Variants in IQGAP2 observed in about 807,000 individuals in gnomAD.
IQGAP2 encodes IQ motif containing GTPase activating protein 2.
A neutral mutation model predicts 201.3 loss-of-function variants in IQGAP2; 173 were observed. That is an observed-to-expected ratio of 0.86 (90% CI 0.76 to 0.98). The LOEUF is 0.98. IQGAP2 is among the 50% of genes least tolerant of loss of function. IQGAP2 has a pLI of 0.00. For synonymous variants in IQGAP2, 675 were observed against 673.9 expected (o/e 1.00, Z -0.03); for missense variants, 1,687 against 1,864.8 (o/e 0.90, Z 1.76).
chr5:76,625,675 C>T (rs1204405479), intron 13 of IQGAP2, among the ~76,000 whole-genome samples: 1 of 152,188 alleles, frequency 6.6e-6, no homozygotes, highest in African/African-American at 2.4e-5. Flanking sequence ...GAGCCCTTTC[C>T]ACATGCATTA....
intron 2 of IQGAP2, among the ~76,000 whole-genome samples, chr5:76,550,345 A>AT (rs1743366573): frequency 7.7e-6 from 1 of 130,350 alleles, no homozygotes; most frequent in African/African-American, 2.8e-5. Context: ...GGGCTGGCAG[A>AT]ATTTTTTTTT....
intron 5 of IQGAP2, among the ~76,000 whole-genome samples, chr5:76,582,825 ACAC>A (rs1745968992): frequency 6.6e-6 from 1 of 152,190 alleles, no homozygotes; most frequent in Non-Finnish European, 1.5e-5. Flanking sequence ...TTCATGATAT[ACAC>A]TAAATGGTAT....
chr5:76,560,310 GC>G (rs1204169558), intron 2 of IQGAP2, among the ~76,000 whole-genome samples: 1 of 144,930 alleles, frequency 6.9e-6, no homozygotes, highest in Non-Finnish European at 1.5e-5. Context: ...AAACCACCAT[GC>G]CTGGCTCTTT....
intron 10 of IQGAP2, 100 bp downstream of exon 10, chr5:76,597,702 C>G (rs935905547): frequency 8.0e-7 from 1 of 1,250,690 alleles, no homozygotes; most frequent in Non-Finnish European, 1.1e-6. Flanking sequence ...TCGGGGATCT[C>G]TAATTTGTAC....
At chr5:76,489,192 C>T (rs1445624121) in intron 2 of IQGAP2, among the ~76,000 whole-genome samples, 1 of 152,174 alleles carries the variant, frequency 6.6e-6, no homozygotes, top group Non-Finnish European at 1.5e-5. Context: ...ATGAGCCGAT[C>T]TGGAGAGCCT....
intron 5 of IQGAP2, among the ~76,000 whole-genome samples, chr5:76,582,921 A>C (rs1005684830): frequency 2.0e-5 from 3 of 152,202 alleles, no homozygotes; most frequent in African/African-American, 7.2e-5. Flanking sequence ...ATGAGTCGGT[A>C]GCTACCTCTG....
chr5:76,591,834 G>A (rs1380653358), intron 8 of IQGAP2, among the ~76,000 whole-genome samples: 6 of 152,108 alleles, frequency 3.9e-5, no homozygotes, highest in South Asian at 4.1e-4. Flanking sequence ...AGATAACTTT[G>A]TCTGTGTCCC....
At chr5:76,690,789 T>C (rs1746196123) in intron 30 of IQGAP2, among the ~76,000 whole-genome samples, 1 of 152,220 alleles carries the variant, frequency 6.6e-6, no homozygotes, top group African/African-American at 2.4e-5. Flanking sequence ...ATCTTCAAAA[T>C]CCAGTGTGTG....
At chr5:76,604,539 GTTT>G (rs1398793601) in intron 11 of IQGAP2, among the ~76,000 whole-genome samples, 3 of 151,734 alleles carry the variant, frequency 2.0e-5, no homozygotes, top group Non-Finnish European at 4.4e-5. Flanking sequence ...TTTATAGCTT[GTTT>G]TTGTTCATTT....
chr5:76,467,331 G>T (rs1754835469), intron 2 of IQGAP2, among the ~76,000 whole-genome samples: 1 of 152,138 alleles, frequency 6.6e-6, no homozygotes, highest in African/African-American at 2.4e-5. Flanking sequence ...ATGGGCAAAA[G>T]TTCTGAATAG....
At chr5:76,581,376 A>T (rs1053329525) in intron 5 of IQGAP2, among the ~76,000 whole-genome samples, 4 of 152,216 alleles carry the variant, frequency 2.6e-5, no homozygotes, top group African/African-American at 7.2e-5. Context: ...TTCTTAGCTC[A>T]AAGGACAGGC....
At chr5:76,481,165 A>C (rs1203990264) in intron 2 of IQGAP2, among the ~76,000 whole-genome samples, 1 of 152,190 alleles carries the variant, frequency 6.6e-6, no homozygotes, top group Non-Finnish European at 1.5e-5. Context: ...TTGGGGGCAC[A>C]CATTCAGGCC....
chr5:76,407,586 T>C (rs1750867085), intron 1 of IQGAP2, among the ~76,000 whole-genome samples: 1 of 152,224 alleles, frequency 6.6e-6, no homozygotes, highest in Admixed American at 6.5e-5. Flanking sequence ...CTCCCTCATA[T>C]GCTGGTGTTT....
At chr5:76,562,122 AAG>A (rs1395263007) in intron 2 of IQGAP2, among the ~76,000 whole-genome samples, 2 of 152,218 alleles carry the variant, frequency 1.3e-5, no homozygotes, top group Non-Finnish European at 2.9e-5. Context: ...TTTGGCACAA[AAG>A]AGACTTGGCA....
Position 76,652,792 on chromosome 5 carries a change from A to G in IQGAP2, c.2137A>G (p.Arg713Gly), listed in dbSNP as rs1752620353. The change falls in exon 18 of 36, where the codon AGG becomes GGG. Residue 713 changes from arginine to glycine, a missense_variant. Coordinates refer to ENST00000274364, the MANE Select transcript of IQGAP2 (RefSeq NM_006633.5). ...TAAACAACGGAAGGAGTATATGCACAGGCGGCAAACGTTCATTGATAATAC... is the reference window on the plus strand; with the variant it reads ...TAAACAACGGAAGGAGTATATGCACGGGCGGCAAACGTTCATTGATAATAC... ...GYKQRKEYMH[R>G]RQTFIDNTDS... 3 of 1,611,466 alleles carry G rather than the reference A, an allele frequency of 1.9e-6. No individual in the cohort carries two copies. The highest frequency in any genetic ancestry group is 2.5e-6 in the Non-Finnish European group (3 of 1,177,614).
In IQGAP2 at chr5:76,562,374, A is replaced by T. The variant is rs200606128; in HGVS notation, c.147-22A>T. On this transcript the variant is annotated intron_variant, in intron 2 of 35. Coordinates refer to ENST00000274364, the MANE Select transcript of IQGAP2 (RefSeq NM_006633.5). ...GTTACCCAACTGGAATCACTTTAAT[A>T]TTTTTTTTTTAATCTCTTTAGGTGG... is the stretch of plus-strand genomic sequence containing the variant. 433 of 1,404,690 alleles carry T rather than the reference A, an allele frequency of 3.1e-4. 1 individual carries two copies. In the African/African-American group the frequency reaches 5.6e-3, roughly 18 times the overall value. The allele number at this position is 1,404,690 out of a possible 1,614,324, so 87.0% of individuals were successfully genotyped here. A position where few individuals can be genotyped will look rare whatever the true frequency, so the allele number is the denominator to read the frequency against.
At chr5:76,504,686 A>C (rs1221608499) in intron 2 of IQGAP2, among the ~76,000 whole-genome samples, 1 of 152,066 alleles carries the variant, frequency 6.6e-6, no homozygotes, top group African/African-American at 2.4e-5. Flanking sequence ...CCTACCTATA[A>C]GCCTTCCCCC....
At chr5:76,638,380 G>T (rs2431355) in intron 16 of IQGAP2, among the ~76,000 whole-genome samples, 86,944 of 151,758 alleles carry the variant, frequency 0.57, 24,997 homozygotes, top group South Asian at 0.62. Flanking sequence ...ACTCTGTCCC[G>T]GGGAGGGAAA....
At chr5:76,567,289 C>T (rs1003508836) in intron 3 of IQGAP2, among the ~76,000 whole-genome samples, 1 of 152,174 alleles carries the variant, frequency 6.6e-6, no homozygotes, top group African/African-American at 2.4e-5. Context: ...ACCGACATGA[C>T]ACTCAAAGGA....
Sources: allele counts gnomAD v4.1 joint callset (sites outside exome capture counted in the v4.1 genomes callset), GRCh38; gene constraint gnomAD v4.1.1; transcripts MANE v1.5; gene names NCBI Gene and HGNC (gene_info 2026-07-23, HGNC 2026-07-21).